ARPC1A: variants seen among roughly 807,000 people sequenced by gnomAD.
ARPC1A encodes the protein actin related protein 2/3 complex subunit 1A, also known as actin-related protein 2/3 complex subunit 1A.
ARPC1A carries 8 observed loss-of-function variants against 46.9 expected under a neutral mutation model. That is an observed-to-expected ratio of 0.17 (90% confidence interval 0.10 to 0.31). ARPC1A has a LOEUF of 0.31. ARPC1A is among the 10% of genes least tolerant of loss of function. The pLI is 1.00. For synonymous variants in ARPC1A, 152 were observed against 169.0 expected (o/e 0.90, Z 0.78); for missense variants, 286 against 483.6 (o/e 0.59, Z 3.83).
Position 99,348,864 on chromosome 7 carries a change from G to A in ARPC1A, c.405G>A (p.Lys135=), listed in dbSNP as rs151244146. The part of the protein sequence containing the change: ...FESENDWWVS[K]HIKKPIRSTV... ...TCCCCTCTCATAGGTGGGTGAGCAAGCACATTAAAAAGCCGATTCGCTCCA... is the reference window on the plus strand; with the variant it reads ...TCCCCTCTCATAGGTGGGTGAGCAAACACATTAAAAAGCCGATTCGCTCCA... Residue 135 remains lysine, a synonymous_variant, in exon 5 of 10, where the codon AAG becomes AAA. Coordinates refer to ENST00000262942, the MANE Select transcript of ARPC1A (RefSeq NM_006409.4). 3 of 1,613,546 alleles carry A rather than the reference G, an allele frequency of 1.9e-6. No homozygotes were observed. The highest frequency in any genetic ancestry group is 2.7e-5 in the African/African-American group (2 of 74,874).
intron 2 of ARPC1A, among the ~76,000 whole-genome samples, chr7:99,333,979 A>G (rs1793193102): frequency 6.6e-6 from 1 of 151,594 alleles, no homozygotes; most frequent in African/African-American, 2.4e-5. Flanking sequence ...TCTACGAAAA[A>G]AAATAGAAAA....
At chr7:99,339,498 C>T (rs1417414164) in intron 3 of ARPC1A, among the ~76,000 whole-genome samples, 1 of 152,196 alleles carries the variant, frequency 6.6e-6, no homozygotes, top group African/African-American at 2.4e-5. Flanking sequence ...TGCACTCCAG[C>T]CTGGGTGACA....
chr7:99,358,404 G>A lies in ARPC1A; in HGVS notation c.778G>A (p.Val260Ile), dbSNP rs201570380. The A allele has an allele frequency of 1.4e-5, 22 of 1,613,958 alleles. No individual in the cohort carries two copies. The highest frequency in any genetic ancestry group is 2.7e-5 in the African/African-American group (2 of 74,918). Residue 260 changes from valine (V) to isoleucine (I), a missense_variant, in exon 7 of 10, where the codon GTC becomes ATC. Transcript: ENST00000262942. ...TGTGTCATTTGTCTCAGAGAACAGC[G>A]TCGTGGCTGCTGTGAGTATTTTTCT... ...LSVSFVSENS[V>I]VAAGHDCCPM...
rs570868064 is a variant in ARPC1A at position 99,352,627 on chromosome 7, C to T, written c.501-1282C>T. On this transcript the variant is annotated intron_variant, in intron 5 of 9. Coordinates refer to ENST00000262942, the MANE Select transcript of ARPC1A (RefSeq NM_006409.4). ...TTGATCACACCACTACACTCCATCC[C>T]GGGCAACAGAGCCAGACCCCCGTCT... is the stretch of plus-strand genomic sequence containing the variant. 2.7e-5 allele frequency among the ~76,000 whole-genome samples: 4 copies of T among 150,354 alleles called. No homozygotes were observed. The South Asian group carries it at 8.5e-4, about 32-fold the overall frequency.
At position 99,353,671 on chromosome 7, in the gene ARPC1A, G is replaced by A. The variant is rs58814835; in HGVS notation, c.501-238G>A. ...TTTGTGTATTTTTAGTAGAGACGGG[G>A]TTTCTCCATGTTGGTCAGGCTGGTC... On this transcript the variant is annotated intron_variant, in intron 5 of 9. Transcript: ENST00000262942. 8.1e-3 allele frequency among the ~76,000 whole-genome samples: 1,221 copies of A among 151,072 alleles called. 17 individuals are homozygous for A. The highest frequency in any genetic ancestry group is 0.026 in the African/African-American group (1,078 of 41,078).
intron 2 of ARPC1A, chr7:99,335,608 C>A: frequency 3.5e-6 from 1 of 289,484 alleles, no homozygotes; most frequent in Non-Finnish European, 6.8e-6. Context: ...TTTAAGACGT[C>A]AGCTGAGATT....
chr7:99,357,781 C>T (rs1241011832), intron 6 of ARPC1A, among the ~76,000 whole-genome samples: 4 of 152,212 alleles, frequency 2.6e-5, no homozygotes, highest in Admixed American at 6.5e-5. Context: ...GGCACACATA[C>T]ACACACATGG....
chr7:99,364,625 T>C (rs1793801207), intron 9 of ARPC1A, among the ~76,000 whole-genome samples: 1 of 152,060 alleles, frequency 6.6e-6, no homozygotes, highest in East Asian at 1.9e-4. Flanking sequence ...ACATTCTCAG[T>C]GAACTGGAAT....
intron 1 of ARPC1A, among the ~76,000 whole-genome samples, chr7:99,331,775 T>G (rs2150858032): frequency 6.6e-6 from 1 of 152,106 alleles, no homozygotes; most frequent in African/African-American, 2.4e-5. Flanking sequence ...AAAAATTAGC[T>G]GGGCCTGGTG....
In ARPC1A at chr7:99,354,056, G is replaced by A. The variant is rs770573211; in HGVS notation, c.648G>A (p.Gly216=). ...ACGGGGTAAGCTTCTCTGCCAGTGG[G>A]AGCCGCCTGGCCTGGGTCAGCCACG... ...WVHGVSFSAS[G]SRLAWVSHDS... is the part of the protein sequence containing the mutation. The change falls in exon 6 of 10, where the codon GGG becomes GGA. Residue 216 remains glycine, a synonymous_variant. Coordinates refer to ENST00000262942, the MANE Select transcript of ARPC1A (RefSeq NM_006409.4). 4.3e-6 allele frequency: 7 copies of A among 1,613,884 alleles called. No homozygotes were observed. In the Admixed American group the frequency reaches 6.7e-5, roughly 15 times the overall value.
chr7:99,349,015 A>G (rs1793507043), intron 5 of ARPC1A, 56 bp downstream of exon 5: 2 of 1,476,902 alleles, frequency 1.4e-6, no homozygotes, highest in Non-Finnish European at 1.9e-6. Context: ...TCCTTCAACA[A>G]ATAATTTTAG....
chr7:99,342,716 CTTTTTT>C (rs555524613), intron 3 of ARPC1A, among the ~76,000 whole-genome samples: 3 of 101,926 alleles, frequency 2.9e-5, no homozygotes, highest in African/African-American at 1.4e-4. Flanking sequence ...CTTCATACTA[CTTTTTT>C]TTTTTTTTTT....
rs757908410 is a variant in ARPC1A, at chr7:99,336,481, ATTTTTT to A, written c.65-1677_65-1672del. On this transcript the variant is annotated intron_variant, in intron 2 of 9. Coordinates refer to ENST00000262942, the MANE Select transcript of ARPC1A (RefSeq NM_006409.4). ...CCTAAAGTTTGGATCATAGGTCTTA[ATTTTTT>A]TTTTTTTTTTTTTTTTTTTTTTGAG... is the stretch of plus-strand genomic sequence containing the variant. Among the ~76,000 whole-genome samples the A allele has an allele frequency of 1.5e-3, 152 of 103,192 alleles. 1 individual carries two copies. The highest frequency in any genetic ancestry group is 6.0e-3 in the African/African-American group (143 of 23,922). The allele number at this position is 103,192 out of a possible 152,430, so 67.7% of individuals were successfully genotyped here. A position where few individuals can be genotyped will look rare whatever the true frequency, so the allele number is the denominator to read the frequency against.
chr7:99,349,729 A>G (rs1159992050), intron 5 of ARPC1A, among the ~76,000 whole-genome samples: 1 of 152,024 alleles, frequency 6.6e-6, no homozygotes, highest in Non-Finnish European at 1.5e-5. Flanking sequence ...AGTCCCAGCT[A>G]CTCGGGAGGC....
chr7:99,364,081 A>C (rs913700691), intron 9 of ARPC1A, among the ~76,000 whole-genome samples: 1 of 151,934 alleles, frequency 6.6e-6, no homozygotes, highest in African/African-American at 2.4e-5. Flanking sequence ...CAGTCTCCCA[A>C]GTAGTTGGGA....
chr7:99,348,479 G>A (rs572823042), intron 4 of ARPC1A, among the ~76,000 whole-genome samples: 18 of 152,204 alleles, frequency 1.2e-4, no homozygotes, highest in East Asian at 3.9e-4. Flanking sequence ...GGCTGAGGCC[G>A]GTAGATCACT....
chr7:99,352,383 G>A (rs932583856), intron 5 of ARPC1A, among the ~76,000 whole-genome samples: 3 of 152,108 alleles, frequency 2.0e-5, no homozygotes, highest in Admixed American at 6.6e-5. Context: ...TTAGCTAGGC[G>A]CAGTGGCACA....
At chr7:99,345,255 T>C (rs182241427) in intron 4 of ARPC1A, among the ~76,000 whole-genome samples, 36 of 152,236 alleles carry the variant, frequency 2.4e-4, no homozygotes, top group African/African-American at 8.7e-4. Flanking sequence ...TAAAGCTTAT[T>C]TGCCAACCAA....
Position 99,366,210 on chromosome 7 carries a change from AG to A in ARPC1A, c.*284del. 1.0e-5 allele frequency: 4 copies of A among 390,856 alleles called. No homozygotes were observed. The highest frequency in any genetic ancestry group is 1.9e-5 in the Non-Finnish European group (4 of 215,788). The allele number at this position is 390,856 out of a possible 1,614,324, so 24.2% of individuals were successfully genotyped here. ...TCACACTAACTTAAAAGACAGGGTG[AG>A]GGAGATATGTAAATTGTCCACTAGA... On this transcript the variant is annotated 3_prime_UTR_variant, in exon 10 of 10. Transcript: ENST00000262942.
Sources: allele counts gnomAD v4.1 joint callset (sites outside exome capture counted in the v4.1 genomes callset), GRCh38; gene constraint gnomAD v4.1.1; transcripts MANE v1.5; gene names NCBI Gene and HGNC (gene_info 2026-07-23, HGNC 2026-07-21).